Variants in NOP58 observed in about 807,000 individuals in gnomAD.
NOP58 encodes the protein nucleolar protein 58.
NOP58 carries 44 observed loss-of-function variants against 71.2 expected under a neutral mutation model. That is an observed-to-expected ratio of 0.62 (90% CI 0.49 to 0.79). The LOEUF (loss-of-function observed/expected upper bound fraction) is 0.79. Ranked by LOEUF, NOP58 falls within the 30% of genes least tolerant of loss-of-function variation. The pLI, the probability that NOP58 is intolerant of heterozygous loss-of-function variation, is 0.00. For missense variants in NOP58, 538 were observed against 620.2 expected, an observed-to-expected ratio of 0.87 and a Z score of 1.41; for synonymous variants, 228 against 200.3, an observed-to-expected ratio of 1.14 and a Z score of -1.17.
At chr2:202,272,995 G>T (rs538791088) in intron 1 of NOP58, among the ~76,000 whole-genome samples, 103 of 152,278 alleles carry the variant, frequency 6.8e-4, no homozygotes, top group African/African-American at 2.0e-3. Flanking sequence ...TTAGCCAGGT[G>T]TGGTGGCAGG....
intron 9 of NOP58, among the ~76,000 whole-genome samples, chr2:202,294,554 T>C (rs79139532): frequency 1.6e-3 from 243 of 152,340 alleles, no homozygotes; most frequent in Non-Finnish European, 3.0e-3. Context: ...AGGATAGTAC[T>C]GAATCCTATA....
chr2:202,291,668 G>A (rs1352954729), intron 8 of NOP58, among the ~76,000 whole-genome samples: 10 of 151,768 alleles, frequency 6.6e-5, no homozygotes, highest in African/African-American at 9.7e-5. Context: ...TTAGCTGCGC[G>A]TGGTGGCGTA....
chr2:202,290,289 T>A (rs1215860077), intron 6 of NOP58, 34 bp from the exon 7 acceptor site: 1 of 1,528,968 alleles, frequency 6.5e-7, no homozygotes, highest in East Asian at 2.3e-5. Context: ...TAAATCCCTT[T>A]AAGTTTTGTT....
chr2:202,292,573 G>T (rs1688921518), intron 8 of NOP58, among the ~76,000 whole-genome samples: 2 of 151,850 alleles, frequency 1.3e-5, no homozygotes, highest in South Asian at 4.2e-4. Flanking sequence ...GGGAGGCGGA[G>T]ATTGCTGTGA....
chr2:202,297,819 T>C, intron 11 of NOP58, 26 bp from the exon 12 acceptor site: 1 of 1,313,380 alleles, frequency 7.6e-7, no homozygotes, highest in Non-Finnish European at 1.1e-6. Flanking sequence ...TAGAAGTGTA[T>C]TTGTAATTTT....
At chr2:202,280,383 G>A (rs1688680334) in intron 3 of NOP58, among the ~76,000 whole-genome samples, 2 of 152,016 alleles carry the variant, frequency 1.3e-5, no homozygotes, top group South Asian at 4.2e-4. Context: ...GAGTGCAGTG[G>A]CATGATCTCG....
In NOP58 at chr2:202,280,091, A is replaced by G. The variant is rs368657161; in HGVS notation, c.175+2089A>G. Among the ~76,000 whole-genome samples, 5 of 152,304 alleles carry G rather than the reference A, an allele frequency of 3.3e-5. No homozygotes were observed. In the East Asian group the frequency reaches 7.7e-4, roughly 24 times the overall value. On this transcript the variant is annotated intron_variant, in intron 3 of 14. Coordinates refer to ENST00000264279, the MANE Select transcript of NOP58 (RefSeq NM_015934.5). ...GAACATCAGCTAATTAAGAAAGCAG[A>G]ATCCTTCCCCTGGGAATTCAGTTCT...
chr2:202,300,007 C>A (rs948999009), intron 12 of NOP58: 1 of 414,830 alleles, frequency 2.4e-6, no homozygotes, highest in East Asian at 5.1e-5. Flanking sequence ...AATCAGAATT[C>A]ATTTAGCTCA....
chr2:202,303,256 T>G, intron 14 of NOP58, 130 bp from the exon 15 acceptor site: 1 of 1,410,002 alleles, frequency 7.1e-7, no homozygotes, highest in Non-Finnish European at 9.6e-7. Context: ...AAAATCAAGT[T>G]TGCATTGAGG....
chr2:202,275,508 C>T, intron 2 of NOP58: 1 of 208,840 alleles, frequency 4.8e-6, no homozygotes. Flanking sequence ...GTCTTCCACA[C>T]ACAAATGTAA....
intron 3 of NOP58, 169 bp downstream of exon 3, chr2:202,278,171 C>G (rs1688638334): frequency 1.4e-6 from 1 of 716,854 alleles, no homozygotes. Flanking sequence ...TCATTCGTCA[C>G]TACCACTGAG....
intron 2 of NOP58, chr2:202,276,405 T>C (rs757570107): frequency 2.1e-6 from 1 of 482,946 alleles, no homozygotes; most frequent in African/African-American, 2.0e-5. Flanking sequence ...TCTTAAAGGG[T>C]TATATGCTTT....
intron 3 of NOP58, among the ~76,000 whole-genome samples, chr2:202,279,411 A>G (rs1188504351): frequency 6.6e-6 from 1 of 152,240 alleles, no homozygotes; most frequent in Non-Finnish European, 1.5e-5. Context: ...TGTGAGGCAG[A>G]TAACCATCAT....
chr2:202,303,595 C>T lies in NOP58; in HGVS notation c.*159C>T. Reference sequence around the variant, plus strand: ...AAACCTATTTGTCTTGACATCAACTCTGTTAACCTTATGTCATCATTTCTT... The same window carrying T: ...AAACCTATTTGTCTTGACATCAACTTTGTTAACCTTATGTCATCATTTCTT... On this transcript the variant is annotated 3_prime_UTR_variant, in exon 15 of 15. Coordinates refer to ENST00000264279, the MANE Select transcript of NOP58 (RefSeq NM_015934.5). 6.0e-6 allele frequency: 5 copies of T among 833,828 alleles called. No individual in the cohort carries two copies. The highest frequency in any genetic ancestry group is 8.7e-6 in the Non-Finnish European group (5 of 577,958). The allele number at this position is 833,828 out of a possible 1,614,324, so 51.7% of individuals were successfully genotyped here.
At chr2:202,275,411 A>T in intron 2 of NOP58, 1 of 436,978 alleles carries the variant, frequency 2.3e-6, no homozygotes, top group South Asian at 3.2e-5. Flanking sequence ...ACCCACAGGG[A>T]TTATGTTCCA....
chr2:202,280,399 C>T (rs1688680570), intron 3 of NOP58, among the ~76,000 whole-genome samples: 1 of 152,042 alleles, frequency 6.6e-6, no homozygotes, highest in Admixed American at 6.6e-5. Context: ...TCTCGGCTCA[C>T]TGCAGTCTCC....
At chr2:202,274,310 C>T (rs567062517) in intron 1 of NOP58, among the ~76,000 whole-genome samples, 73 of 152,128 alleles carry the variant, frequency 4.8e-4, no homozygotes, top group African/African-American at 1.7e-3. Context: ...TCACTGCAAC[C>T]TCTGCCTCCG....
chr2:202,290,135 T>G (rs2105849847), intron 6 of NOP58, among the ~76,000 whole-genome samples, 188 bp from the exon 7 acceptor site: 1 of 152,194 alleles, frequency 6.6e-6, no homozygotes, highest in Admixed American at 6.5e-5. Flanking sequence ...TTTGTATTTT[T>G]AATAGAGATG....
intron 2 of NOP58, among the ~76,000 whole-genome samples, chr2:202,277,016 G>A (rs912539106): frequency 5.9e-5 from 9 of 152,234 alleles, no homozygotes; most frequent in East Asian, 5.8e-4. Context: ...GGCTGGGCAC[G>A]GTGGCTCACG....
Sources: allele counts gnomAD v4.1 joint callset (sites outside exome capture counted in the v4.1 genomes callset), GRCh38; gene constraint gnomAD v4.1.1; transcripts MANE v1.5; gene names NCBI Gene and HGNC (gene_info 2026-07-23, HGNC 2026-07-21).